Variants in NTF3 observed in about 807,000 individuals in gnomAD.
NTF3 encodes neurotrophin 3, also known as neurotrophin-3.
In NTF3, 8 loss-of-function variants were observed where a neutral mutation model predicts 26.3. The ratio of observed to expected loss-of-function variants is 0.30; its 90% confidence interval spans 0.18 to 0.55. NTF3 has a LOEUF of 0.55. Among genes scored for constraint, NTF3 ranks in the 20% least tolerant of loss-of-function variants. The pLI is 0.93. For missense variants in NTF3, 276 were observed against 352.9 expected (o/e 0.78, Z 1.75); for synonymous variants, 154 against 145.5 (o/e 1.06, Z -0.42).
chr12:5,486,691 A>G (rs1940869880), intron 1 of NTF3, among the ~76,000 whole-genome samples: 1 of 152,238 alleles, frequency 6.6e-6, no homozygotes. Flanking sequence ...TATGTCGCTG[A>G]AGCAACTTCC....
intron 1 of NTF3, among the ~76,000 whole-genome samples, chr12:5,479,589 T>A (rs1940763118): frequency 6.6e-6 from 1 of 152,226 alleles, no homozygotes; most frequent in Non-Finnish European, 1.5e-5. Context: ...ATTCTGCTTG[T>A]AGTTTTACAT....
At chr12:5,470,795 A>ATAGATATT (rs1357515316) in intron 1 of NTF3, among the ~76,000 whole-genome samples, 1 of 152,234 alleles carries the variant, frequency 6.6e-6, no homozygotes, top group Non-Finnish European at 1.5e-5. Context: ...ATGAAGTCAA[A>ATAGATATT]TGCATGTGTG....
intron 1 of NTF3, among the ~76,000 whole-genome samples, chr12:5,443,615 A>G (rs1304402600): frequency 1.3e-5 from 2 of 152,228 alleles, no homozygotes; most frequent in Admixed American, 6.5e-5. Context: ...AGCATTGTTC[A>G]TAGCTCAAAT....
chr12:5,458,978 A>G lies in NTF3; in HGVS notation c.18+26636A>G, dbSNP rs1940489945. Among the ~76,000 whole-genome samples the G allele has an allele frequency of 2.0e-5, 3 of 152,328 alleles. No homozygotes were observed. In the East Asian group the frequency reaches 5.8e-4, roughly 29 times the overall value. ...AGGATGGTAACTCACTCTTTAGTTTAGACTCTTGACGTGCCATGGAAAATC... is the reference window on the plus strand; with the variant it reads ...AGGATGGTAACTCACTCTTTAGTTTGGACTCTTGACGTGCCATGGAAAATC... On this transcript the variant is annotated intron_variant, in intron 1 of 1. Coordinates refer to ENST00000423158, the MANE Select transcript of NTF3 (RefSeq NM_001102654.2).
At chr12:5,463,001 G>A (rs1165469740) in intron 1 of NTF3, among the ~76,000 whole-genome samples, 1 of 152,168 alleles carries the variant, frequency 6.6e-6, no homozygotes, top group Non-Finnish European at 1.5e-5. Context: ...TGATTTGCAG[G>A]CAGGAGGACA....
At chr12:5,480,324 A>AT (rs1940773661) in intron 1 of NTF3, among the ~76,000 whole-genome samples, 1 of 152,182 alleles carries the variant, frequency 6.6e-6, no homozygotes, top group African/African-American at 2.4e-5. Context: ...ACCGGCCTTT[A>AT]TTTACCACAG....
chr12:5,446,776 G>A lies in NTF3; in HGVS notation c.18+14434G>A, dbSNP rs181591661. Among the ~76,000 whole-genome samples the A allele has an allele frequency of 1.9e-4, 29 of 152,324 alleles. No individual in the cohort carries two copies. In the East Asian group the frequency reaches 2.9e-3, roughly 15 times the overall value. Reference sequence around the variant, plus strand: ...GTATGCTGTCAGGCATGCTGGAGCCGGATGTCTAGCACCCATTGCTAAGTG... The same window carrying A: ...GTATGCTGTCAGGCATGCTGGAGCCAGATGTCTAGCACCCATTGCTAAGTG... On this transcript the variant is annotated intron_variant, in intron 1 of 1. Coordinates refer to ENST00000423158, the MANE Select transcript of NTF3 (RefSeq NM_001102654.2).
intron 1 of NTF3, among the ~76,000 whole-genome samples, chr12:5,438,369 G>A (rs919063925): frequency 6.6e-6 from 1 of 152,176 alleles, no homozygotes; most frequent in African/African-American, 2.4e-5. Context: ...CTGTGCCATG[G>A]TCCTTCTCAA....
chr12:5,477,513 G>A (rs1415717433), intron 1 of NTF3, among the ~76,000 whole-genome samples: 2 of 152,188 alleles, frequency 1.3e-5, no homozygotes, highest in East Asian at 1.9e-4. Flanking sequence ...ATCTCACGGA[G>A]GGTATGAGAT....
intron 1 of NTF3, among the ~76,000 whole-genome samples, chr12:5,480,817 G>A (rs146831303): frequency 4.7e-5 from 7 of 149,932 alleles, no homozygotes; most frequent in Admixed American, 1.3e-4. Flanking sequence ...AGGGGGTGGG[G>A]TGGGGGAGGG....
In NTF3 at chr12:5,494,104, A is replaced by AC. The variant is rs1430876252; in HGVS notation, c.19-89dup. ...GGGCGGTACCCTCTCTCGTGCCCTC[A>AC]CAGGGCTACTCAGCCTCAGGTAGCT... is the stretch of plus-strand genomic sequence containing the variant. On this transcript the variant is annotated intron_variant, in intron 1 of 1. Transcript: ENST00000423158. The surrounding 1 kb of genome is among the most constrained non-coding windows in gnomAD (Gnocchi z 8.3). The AC allele has an allele frequency of 7.7e-7, 1 of 1,301,734 alleles. No individual in the cohort carries two copies. Among genetic ancestry groups the AC allele is most frequent in the Admixed American group, 1.8e-5 (1 of 54,382 alleles). 80.6% of individuals were successfully genotyped at this position (1,301,734 alleles called of 1,614,324 possible).
At chr12:5,444,629 A>G (rs1406236368) in intron 1 of NTF3, among the ~76,000 whole-genome samples, 1 of 152,216 alleles carries the variant, frequency 6.6e-6, no homozygotes, top group Non-Finnish European at 1.5e-5. Flanking sequence ...TCCCATATCC[A>G]GTATGGTGGA....
At chr12:5,474,180 C>G (rs1171056213) in intron 1 of NTF3, among the ~76,000 whole-genome samples, 1 of 152,158 alleles carries the variant, frequency 6.6e-6, no homozygotes, top group Admixed American at 6.5e-5. Flanking sequence ...GACTTTATTT[C>G]TAGGAATCTT....
chr12:5,465,581 G>C (rs185614800), intron 1 of NTF3, among the ~76,000 whole-genome samples: 4 of 152,368 alleles, frequency 2.6e-5, no homozygotes, highest in Non-Finnish European at 4.4e-5. Flanking sequence ...ATCATGAAAT[G>C]CCTCATTTAT....
At chr12:5,438,025 C>A (rs537130878) in intron 1 of NTF3, among the ~76,000 whole-genome samples, 1 of 152,112 alleles carries the variant, frequency 6.6e-6, no homozygotes, top group South Asian at 2.1e-4. Flanking sequence ...GGTGGGACAG[C>A]CTGAGAAAAA....
intron 1 of NTF3, among the ~76,000 whole-genome samples, chr12:5,481,703 TAAC>T (rs1322458461): frequency 2.8e-5 from 3 of 107,666 alleles, no homozygotes; most frequent in African/African-American, 7.3e-5. Context: ...ACAAGCAGAA[TAAC>T]ACCACACGCA....
chr12:5,432,469 G>C (rs1458147779), intron 1 of NTF3, 127 bp downstream of exon 1: 5 of 1,091,808 alleles, frequency 4.6e-6, no homozygotes, highest in Non-Finnish European at 6.7e-6. Context: ...CCATCGCGCC[G>C]CGCTCACTCA....
intron 1 of NTF3, among the ~76,000 whole-genome samples, chr12:5,471,449 A>G (rs954599366): frequency 3.3e-5 from 5 of 151,858 alleles, no homozygotes; most frequent in African/African-American, 1.2e-4. Flanking sequence ...AGGAACTGAC[A>G]TTGCAAGAAG....
chr12:5,485,880 TTTC>T (rs1940860762), intron 1 of NTF3, among the ~76,000 whole-genome samples: 1 of 152,102 alleles, frequency 6.6e-6, no homozygotes. Flanking sequence ...CAGACACATG[TTTC>T]TTCTGCCTCA....
Sources: gnomAD v4.1 joint callset for allele counts (sites outside exome capture counted in the v4.1 genomes callset) on GRCh38, gnomAD v4.1.1 for gene constraint, Gnocchi (gnomAD v3.1) non-coding constraint, MANE v1.5 for transcripts, NCBI Gene and HGNC (gene_info 2026-07-23, HGNC 2026-07-21) for gene names.